The following PTPRT variants were observed in gnomAD, a reference collection of about 807,000 sequenced individuals.
PTPRT encodes protein tyrosine phosphatase receptor type T.
A neutral mutation model predicts 176.8 loss-of-function variants in PTPRT; 56 were observed. The ratio of observed to expected loss-of-function variants is 0.32; its 90% confidence interval spans 0.26 to 0.40. PTPRT has a LOEUF of 0.40. Among genes scored for constraint, PTPRT ranks in the 10% least tolerant of loss-of-function variants. The pLI is 1.00. For synonymous variants in PTPRT, 783 were observed against 739.0 expected (o/e 1.06, Z -0.96); for missense variants, 1,540 against 1,908.2 (o/e 0.81, Z 3.60).
intron 1 of PTPRT, among the ~76,000 whole-genome samples, chr20:43,056,485 G>A (rs1321514710): frequency 6.6e-6 from 1 of 152,236 alleles, no homozygotes; most frequent in Non-Finnish European, 1.5e-5. Context: ...ATAGGAGATA[G>A]TGAACCTAGA....
At chr20:42,332,962 T>G (rs2057989312) in intron 11 of PTPRT, among the ~76,000 whole-genome samples, 1 of 152,240 alleles carries the variant, frequency 6.6e-6, no homozygotes, top group Admixed American at 6.5e-5. Flanking sequence ...TGCACTCAAG[T>G]GCAAGACAGA....
intron 1 of PTPRT, among the ~76,000 whole-genome samples, chr20:42,954,403 T>TC (rs1981484705): frequency 6.6e-6 from 1 of 152,098 alleles, no homozygotes; most frequent in Admixed American, 6.6e-5. Flanking sequence ...CAAATCTCCC[T>TC]CCCCTGGTCC....
intron 9 of PTPRT, among the ~76,000 whole-genome samples, chr20:42,362,970 G>A (rs2145568786): frequency 6.6e-6 from 1 of 151,690 alleles, no homozygotes; most frequent in African/African-American, 2.4e-5. Context: ...GCTAAGCATG[G>A]TGGCGGGCGC....
chr20:42,327,789 G>T (rs1467178768), intron 11 of PTPRT, among the ~76,000 whole-genome samples: 2 of 152,010 alleles, frequency 1.3e-5, no homozygotes, highest in African/African-American at 4.8e-5. Context: ...AAAGAAAAAT[G>T]ACAGATTTGT....
chr20:42,427,000 A>C (rs190754830), intron 9 of PTPRT, among the ~76,000 whole-genome samples: 1 of 152,302 alleles, frequency 6.6e-6, no homozygotes, highest in East Asian at 1.9e-4. Context: ...ACATGGTGGC[A>C]CAAGAGACTC....
At chr20:42,242,150 T>C (rs1462478791) in intron 14 of PTPRT, among the ~76,000 whole-genome samples, 1 of 152,220 alleles carries the variant, frequency 6.6e-6, no homozygotes, top group African/African-American at 2.4e-5. Flanking sequence ...ATGTGCTCTC[T>C]GAAGGCTCAG....
At chr20:42,787,421 G>T (rs1463147948) in intron 3 of PTPRT, among the ~76,000 whole-genome samples, 1 of 152,144 alleles carries the variant, frequency 6.6e-6, no homozygotes, top group East Asian at 1.9e-4. Flanking sequence ...AAGACAGGAG[G>T]TTAAACACCA....
At chr20:42,804,887 T>A (rs77033626) in intron 2 of PTPRT, among the ~76,000 whole-genome samples, 2,321 of 152,330 alleles carry the variant, frequency 0.015, 63 homozygotes, top group African/African-American at 0.054. Flanking sequence ...GAGCACACCC[T>A]ACTCCAATAT....
intron 7 of PTPRT, among the ~76,000 whole-genome samples, chr20:42,506,263 A>G (rs2071842774): frequency 6.6e-6 from 1 of 152,156 alleles, no homozygotes; most frequent in Non-Finnish European, 1.5e-5. Context: ...GTGCTCAGAA[A>G]TGTTTTACTA....
At chr20:42,056,456 C>T in the PTPRT span, among the ~76,000 whole-genome samples, 1 of 152,310 alleles carries the variant, frequency 6.6e-6, no homozygotes, top group Non-Finnish European at 1.5e-5. Context: ...TCTTTGGAGG[C>T]TGTATCCCTG....
At chr20:42,718,895 T>G (rs2076265991) in intron 6 of PTPRT, among the ~76,000 whole-genome samples, 1 of 152,190 alleles carries the variant, frequency 6.6e-6, no homozygotes, top group Non-Finnish European at 1.5e-5. Flanking sequence ...AGAGTCCAGT[T>G]GAGAGCTGAC....
intron 6 of PTPRT, among the ~76,000 whole-genome samples, chr20:42,696,335 C>T (rs1259806880): frequency 6.6e-6 from 1 of 151,504 alleles, no homozygotes; most frequent in Non-Finnish European, 1.5e-5. Context: ...TTCCCTCCTC[C>T]TCTCTCCCGT....
chr20:42,246,659 T>C (rs755357719), intron 14 of PTPRT, among the ~76,000 whole-genome samples: 70 of 152,336 alleles, frequency 4.6e-4, no homozygotes, highest in Middle Eastern at 3.4e-3. Flanking sequence ...GGAAGTGAAA[T>C]TTCTTCACAA....
At chr20:43,000,237 T>C (rs998364108) in intron 1 of PTPRT, among the ~76,000 whole-genome samples, 3 of 152,076 alleles carry the variant, frequency 2.0e-5, no homozygotes, top group Admixed American at 2.0e-4. Context: ...TCTGGCTCTA[T>C]AGGAGATTCG....
chr20:43,101,210 C>T (rs775383112), intron 1 of PTPRT, among the ~76,000 whole-genome samples: 4 of 152,038 alleles, frequency 2.6e-5, no homozygotes, highest in Non-Finnish European at 5.9e-5. Flanking sequence ...AACAATAATA[C>T]GGAAGTAAAA....
At chr20:43,088,159 G>A (rs947825910) in intron 1 of PTPRT, among the ~76,000 whole-genome samples, 4 of 152,064 alleles carry the variant, frequency 2.6e-5, no homozygotes, top group African/African-American at 9.7e-5. Context: ...CAGTTATTAT[G>A]TGCCAATTAA....
At chr20:42,347,984 G>A (rs752701236) in intron 11 of PTPRT, among the ~76,000 whole-genome samples, 27 of 152,202 alleles carry the variant, frequency 1.8e-4, no homozygotes, top group Admixed American at 1.2e-3. Context: ...GAGGACAGAG[G>A]TGTGGCTATC....
intron 1 of PTPRT, among the ~76,000 whole-genome samples, chr20:43,050,820 G>A (rs578104459): frequency 1.3e-5 from 2 of 152,236 alleles, no homozygotes; most frequent in African/African-American, 4.8e-5. Flanking sequence ...CCTGATCTCT[G>A]TCCTCCATTC....
intron 17 of PTPRT, among the ~76,000 whole-genome samples, chr20:42,158,957 A>G (rs1989469150): frequency 6.6e-6 from 1 of 152,202 alleles, no homozygotes; most frequent in South Asian, 2.1e-4. Context: ...TTGAAAAGCA[A>G]CTCACCACAC....
Sources: allele counts gnomAD v4.1 joint callset (sites outside exome capture counted in the v4.1 genomes callset), GRCh38; gene constraint gnomAD v4.1.1; transcripts MANE v1.5; gene names NCBI Gene and HGNC (gene_info 2026-07-23, HGNC 2026-07-21).